The following CCSER1 variants were observed in gnomAD, a reference collection of about 807,000 sequenced individuals.
CCSER1 encodes the protein serine-rich coiled-coil domain-containing protein 1.
In CCSER1, 41 loss-of-function variants were observed where a neutral mutation model predicts 82.0. The observed-to-expected ratio is 0.50, with a 90% confidence interval of 0.39 to 0.65. The LOEUF is 0.65. Ranked by LOEUF, CCSER1 falls within the 30% of genes least tolerant of loss-of-function variation. The pLI is 0.00. For missense variants in CCSER1, 1,119 were observed against 1,064.2 expected, an observed-to-expected ratio of 1.05 and a Z score of -0.72; for synonymous variants, 414 against 383.9, an observed-to-expected ratio of 1.08 and a Z score of -0.92.
intron 7 of CCSER1, among the ~76,000 whole-genome samples, chr4:90,739,804 C>G (rs1218892503): frequency 6.6e-6 from 1 of 152,174 alleles, no homozygotes; most frequent in East Asian, 1.9e-4. Context: ...CACACAGATT[C>G]TCTCTCCACG....
intron 10 of CCSER1, among the ~76,000 whole-genome samples, chr4:91,510,549 T>C (rs1404763842): frequency 1.3e-5 from 2 of 152,236 alleles, no homozygotes; most frequent in Non-Finnish European, 2.9e-5. Context: ...TGGTGTTTTA[T>C]TGTGGTTTTT....
rs1290105100 is a variant in CCSER1 at position 90,932,996 on chromosome 4, GAAAGAAAGAAAGAAAGAA to G, written c.2172+9551_2172+9568del. On this transcript the variant is annotated intron_variant, in intron 9 of 10. Transcript: ENST00000509176. ...AAAGAAAGAAAGAGAAAGAAAGAAAGAAAGAAAGAAAGAAAGAAAGAAAGAAAGAAAGAAAGAAAGAAA... is the reference window on the plus strand; with the variant it reads ...AAAGAAAGAAAGAGAAAGAAAGAAAGAGAAAGAAAGAAAGAAAGAAAGAAA... Among the ~76,000 whole-genome samples the G allele has an allele frequency of 3.4e-4, 19 of 56,070 alleles. 2 individuals carry two copies. The highest frequency in any genetic ancestry group is 2.3e-3 in the African/African-American group (18 of 7,782). The allele number at this position is 56,070 out of a possible 152,430, so 36.8% of individuals were successfully genotyped here.
chr4:91,503,341 CAAAA>C (rs530250350), intron 10 of CCSER1, among the ~76,000 whole-genome samples: 1 of 79,612 alleles, frequency 1.3e-5, no homozygotes, highest in Non-Finnish European at 2.6e-5. Context: ...TACTCCATCT[CAAAA>C]AAAAAAAAAA....
chr4:90,687,692 C>T (rs1458425365), intron 6 of CCSER1, among the ~76,000 whole-genome samples: 3 of 152,114 alleles, frequency 2.0e-5, no homozygotes, highest in Non-Finnish European at 2.9e-5. Flanking sequence ...AGCCCTCCTT[C>T]CTTCCACCCA....
chr4:90,391,772 C>A (rs1428811011), intron 3 of CCSER1, among the ~76,000 whole-genome samples: 1 of 151,452 alleles, frequency 6.6e-6, no homozygotes, highest in Non-Finnish European at 1.5e-5. Flanking sequence ...TTCAATTCCT[C>A]TAGTACACAA....
chr4:90,559,990 A>G (rs1778574766), intron 5 of CCSER1, among the ~76,000 whole-genome samples: 1 of 151,890 alleles, frequency 6.6e-6, no homozygotes, highest in African/African-American at 2.4e-5. Flanking sequence ...AACAACAAAA[A>G]CAAAAGGACT....
At chr4:90,347,638 A>G (rs1946116120) in intron 3 of CCSER1, among the ~76,000 whole-genome samples, 1 of 152,142 alleles carries the variant, frequency 6.6e-6, no homozygotes, top group South Asian at 2.1e-4. Flanking sequence ...AGTAGCTGTC[A>G]TGATTTATCA....
intron 3 of CCSER1, among the ~76,000 whole-genome samples, chr4:90,366,107 A>G (rs1276670645): frequency 6.6e-6 from 1 of 151,934 alleles, no homozygotes; most frequent in Non-Finnish European, 1.5e-5. Context: ...CAGTATTCAT[A>G]GCCATGGTAA....
chr4:91,330,819 G>A (rs1290308192), intron 10 of CCSER1, among the ~76,000 whole-genome samples: 2 of 152,074 alleles, frequency 1.3e-5, no homozygotes, highest in Non-Finnish European at 2.9e-5. Context: ...CACGGTTTAA[G>A]TTATCTGTGG....
chr4:90,682,866 A>G (rs1324467176), intron 6 of CCSER1: 1 of 152,128 alleles, frequency 6.6e-6, no homozygotes, highest in Non-Finnish European at 1.5e-5. Context: ...TTAAATTTTA[A>G]AAGAATTTTA....
At chr4:91,548,576 T>G (rs1012186670) in intron 10 of CCSER1, among the ~76,000 whole-genome samples, 17 of 145,970 alleles carry the variant, frequency 1.2e-4, no homozygotes, top group African/African-American at 4.1e-4. Flanking sequence ...TTTTTTTTTT[T>G]GAAAGTCTTT....
At chr4:90,655,180 G>A (rs1197382927) in intron 6 of CCSER1, among the ~76,000 whole-genome samples, 1 of 151,836 alleles carries the variant, frequency 6.6e-6, no homozygotes, top group Non-Finnish European at 1.5e-5. Context: ...GTCAAATCTA[G>A]CAGATTCAAT....
intron 10 of CCSER1, among the ~76,000 whole-genome samples, chr4:91,178,532 T>A (rs1733651464): frequency 6.6e-6 from 1 of 152,224 alleles, no homozygotes; most frequent in Admixed American, 6.5e-5. Flanking sequence ...TTAGCTCTTC[T>A]TGTTGAATTG....
chr4:91,439,483 A>G (rs1216268967), intron 10 of CCSER1, among the ~76,000 whole-genome samples: 3 of 152,154 alleles, frequency 2.0e-5, no homozygotes, highest in Non-Finnish European at 2.9e-5. Context: ...TGAAGGAAGC[A>G]CTAAACATGG....
chr4:91,019,030 A>G (rs1378634609), intron 9 of CCSER1, among the ~76,000 whole-genome samples: 1 of 152,028 alleles, frequency 6.6e-6, no homozygotes, highest in Admixed American at 6.6e-5. Context: ...ATTTATTGCT[A>G]TGCCTGACAA....
At chr4:91,045,166 T>C (rs1742338683) in intron 9 of CCSER1, among the ~76,000 whole-genome samples, 1 of 152,180 alleles carries the variant, frequency 6.6e-6, no homozygotes, top group Non-Finnish European at 1.5e-5. Flanking sequence ...CATCTTGAAA[T>C]TATTTTACCA....
intron 10 of CCSER1, among the ~76,000 whole-genome samples, chr4:91,325,833 T>C (rs1044538437): frequency 6.6e-6 from 1 of 152,222 alleles, no homozygotes; most frequent in Admixed American, 6.6e-5. Flanking sequence ...TAATTAAATA[T>C]TTATAACTTA....
chr4:91,035,157 A>G (rs895011350), intron 9 of CCSER1, among the ~76,000 whole-genome samples: 5 of 152,208 alleles, frequency 3.3e-5, no homozygotes, highest in Non-Finnish European at 7.3e-5. Context: ...TTCAATTAAT[A>G]TACTTCAAAT....
chr4:90,742,706 G>A (rs1746742566), intron 7 of CCSER1, among the ~76,000 whole-genome samples: 1 of 152,116 alleles, frequency 6.6e-6, no homozygotes, highest in African/African-American at 2.4e-5. Flanking sequence ...GGAATTAAAT[G>A]CAATTAATTT....
Sources: gnomAD v4.1 joint callset for allele counts (sites outside exome capture counted in the v4.1 genomes callset) on GRCh38, gnomAD v4.1.1 for gene constraint, MANE v1.5 for transcripts, NCBI Gene and HGNC (gene_info 2026-07-23, HGNC 2026-07-21) for gene names.